Variants in DLGAP2 observed in about 807,000 individuals in gnomAD.
DLGAP2 encodes DLG associated protein 2, also known as disks large-associated protein 2.
DLGAP2 carries 26 observed loss-of-function variants against 100.3 expected under a neutral mutation model. That is an observed-to-expected ratio of 0.26 (90% CI 0.19 to 0.36). The LOEUF (loss-of-function observed/expected upper bound fraction) is 0.36. Among genes scored for constraint, DLGAP2 ranks in the 10% least tolerant of loss-of-function variants. DLGAP2 has a pLI of 1.00. For missense variants in DLGAP2, 1,858 were observed against 1,453.2 expected (o/e 1.28, Z -4.53); for synonymous variants, 886 against 630.1 (o/e 1.41, Z -6.08).
intron 1 of DLGAP2, among the ~76,000 whole-genome samples, chr8:776,423 GTTC>G (rs1821517164): frequency 6.6e-6 from 1 of 151,942 alleles, no homozygotes; most frequent in African/African-American, 2.4e-5. Flanking sequence ...TGCTTTTCTA[GTTC>G]TTTGAATTGT....
intron 2 of DLGAP2, among the ~76,000 whole-genome samples, chr8:1,170,492 G>A (rs62488964): frequency 0.19 from 28,019 of 151,430 alleles, 2,759 homozygotes; most frequent in Middle Eastern, 0.35. Flanking sequence ...GGTAGAATTC[G>A]GCTGTGAATC....
chr8:887,606 G>T (rs1797947734), intron 1 of DLGAP2, among the ~76,000 whole-genome samples: 1 of 152,144 alleles, frequency 6.6e-6, no homozygotes, highest in South Asian at 2.1e-4. Context: ...TGTCTGGAAA[G>T]GATTTTATTT....
At chr8:1,234,472 A>T (rs534527370) in intron 2 of DLGAP2, among the ~76,000 whole-genome samples, 2 of 152,256 alleles carry the variant, frequency 1.3e-5, no homozygotes, top group Admixed American at 1.3e-4. Context: ...AGTAATACTG[A>T]ATCAGGGCCT....
At chr8:956,692 A>G (rs976191329) in intron 2 of DLGAP2, among the ~76,000 whole-genome samples, 1 of 152,178 alleles carries the variant, frequency 6.6e-6, no homozygotes, top group Non-Finnish European at 1.5e-5. Flanking sequence ...ATAGCCAAAG[A>G]TTTTCCACAC....
chr8:1,225,524 A>G (rs1798396452), intron 2 of DLGAP2, among the ~76,000 whole-genome samples: 1 of 152,210 alleles, frequency 6.6e-6, no homozygotes, highest in African/African-American at 2.4e-5. Context: ...ACAACACGTG[A>G]ATGTATTAAA....
At chr8:1,339,672 C>T (rs1162748964) in intron 3 of DLGAP2, among the ~76,000 whole-genome samples, 1 of 152,116 alleles carries the variant, frequency 6.6e-6, no homozygotes, top group Admixed American at 6.6e-5. Context: ...GCCATTGTGA[C>T]CTTCGTTTAA....
chr8:1,287,471 CGTGT>C (rs764935176), intron 3 of DLGAP2, among the ~76,000 whole-genome samples: 10 of 23,334 alleles, frequency 4.3e-4, no homozygotes, highest in Admixed American at 5.9e-4. Flanking sequence ...TTCGGTTCAG[CGTGT>C]GTGTGTGTGT....
chr8:975,321 G>A (rs958098795), intron 2 of DLGAP2, among the ~76,000 whole-genome samples: 2 of 152,100 alleles, frequency 1.3e-5, no homozygotes, highest in African/African-American at 4.8e-5. Flanking sequence ...ATTTAAGGAA[G>A]ATAATTATTT....
At chr8:1,240,189 T>G (rs1264996632) in intron 2 of DLGAP2, among the ~76,000 whole-genome samples, 3 of 137,202 alleles carry the variant, frequency 2.2e-5, no homozygotes, top group Admixed American at 7.2e-5. Context: ...TCACACAGAG[T>G]ATCGTGTCTA....
intron 3 of DLGAP2, among the ~76,000 whole-genome samples, chr8:1,335,640 G>C (rs143243054): frequency 1.3e-5 from 2 of 152,144 alleles, no homozygotes; most frequent in African/African-American, 2.4e-5. Flanking sequence ...CATGACGTAT[G>C]AGTAGGAGTT....
intron 1 of DLGAP2, among the ~76,000 whole-genome samples, chr8:897,593 C>T (rs1045377602): frequency 1.3e-5 from 2 of 152,136 alleles, no homozygotes; most frequent in Non-Finnish European, 2.9e-5. Context: ...TGTGCGAGCG[C>T]GAAGGGCTGC....
At chr8:1,500,384 C>G (rs1340534133) in intron 3 of DLGAP2, among the ~76,000 whole-genome samples, 1 of 151,454 alleles carries the variant, frequency 6.6e-6, no homozygotes, top group Non-Finnish European at 1.5e-5. Context: ...CAGAGCCTCC[C>G]TGAGATCCAG....
intron 3 of DLGAP2, among the ~76,000 whole-genome samples, chr8:1,445,655 G>T (rs1797965065): frequency 6.6e-6 from 1 of 152,146 alleles, no homozygotes; most frequent in South Asian, 2.1e-4. Flanking sequence ...GATCCCTGAG[G>T]AATTGCCACA....
At chr8:1,163,580 C>T (rs534052299) in intron 2 of DLGAP2, among the ~76,000 whole-genome samples, 3 of 152,348 alleles carry the variant, frequency 2.0e-5, no homozygotes, top group Non-Finnish European at 4.4e-5. Context: ...CAGAGAGCTG[C>T]GTGAGCCAAG....
intron 14 of DLGAP2, among the ~76,000 whole-genome samples, chr8:1,699,784 C>T (rs1207623456): frequency 6.6e-6 from 1 of 152,206 alleles, no homozygotes; most frequent in Non-Finnish European, 1.5e-5. Flanking sequence ...TGCACAGCAT[C>T]TGCTGGACAC....
intron 3 of DLGAP2, among the ~76,000 whole-genome samples, chr8:1,485,976 G>A (rs1190170454): frequency 1.1e-4 from 16 of 152,282 alleles, no homozygotes; most frequent in Non-Finnish European, 1.8e-4. Flanking sequence ...GCAGTGAGCC[G>A]AGATCGCGCC....
At chr8:1,390,017 A>G (rs76948657) in intron 3 of DLGAP2, among the ~76,000 whole-genome samples, 1,679 of 152,186 alleles carry the variant, frequency 0.011, 34 homozygotes, top group African/African-American at 0.038. Flanking sequence ...GTGTGTCTGG[A>G]TGGATGTTGC....
chr8:1,191,591 G>A (rs1797640636), intron 2 of DLGAP2, among the ~76,000 whole-genome samples: 2 of 152,146 alleles, frequency 1.3e-5, no homozygotes, highest in African/African-American at 2.4e-5. Context: ...TTCTTACATA[G>A]AACAAGACAG....
intron 2 of DLGAP2, among the ~76,000 whole-genome samples, chr8:987,705 G>A (rs1800527973): frequency 6.6e-6 from 1 of 151,938 alleles, no homozygotes; most frequent in Non-Finnish European, 1.5e-5. Flanking sequence ...CCTGGAGGTG[G>A]GTAATTAGTC....
Sources: gnomAD v4.1 joint callset for allele counts (sites outside exome capture counted in the v4.1 genomes callset) on GRCh38, gnomAD v4.1.1 for gene constraint, MANE v1.5 for transcripts, NCBI Gene and HGNC (gene_info 2026-07-23, HGNC 2026-07-21) for gene names.